ABI1: variants seen among roughly 807,000 people sequenced by gnomAD.
ABI1 encodes Abelson interactor 1.
In ABI1, 14 loss-of-function variants were observed where a neutral mutation model predicts 54.6. The observed-to-expected ratio is 0.26, with a 90% CI of 0.17 to 0.40. ABI1 has a LOEUF of 0.40. Among genes scored for constraint, ABI1 ranks in the 10% least tolerant of loss-of-function variants. ABI1 has a pLI of 1.00. For synonymous variants in ABI1, 194 were observed against 209.3 expected (o/e 0.93, Z 0.63); for missense variants, 443 against 598.3 (o/e 0.74, Z 2.71).
chr10:26,850,613 G>A (rs185254331), intron 1 of ABI1, among the ~76,000 whole-genome samples: 7 of 150,350 alleles, frequency 4.7e-5, no homozygotes, highest in East Asian at 3.9e-4. Context: ...AGCCAAGACC[G>A]CGCTATTGCA....
chr10:26,782,490 C>T (rs1367796738), intron 2 of ABI1, among the ~76,000 whole-genome samples: 7 of 152,124 alleles, frequency 4.6e-5, no homozygotes, highest in Non-Finnish European at 8.8e-5. Context: ...TTTGGGAGGC[C>T]GAGGCGGGCA....
At position 26,768,925 on chromosome 10, in the gene ABI1, T is replaced by C. The variant is rs1288005873; in HGVS notation, c.646A>G (p.Ser216Gly). ...TGCTGACTTCCAAGCCTAGCAGGAC[T>C]GGTCATATAGTCATTAGGAACTGTT... ...PPTVPNDYMTSPARLGSQHSP... is the reference protein window; with the variant it reads ...PPTVPNDYMTGPARLGSQHSP... The change falls in exon 6 of 11, where the codon AGT (serine) becomes GGT (glycine). Residue 216 changes from serine to glycine, a missense_variant. Physicochemically the swap from Ser to Gly is moderately conservative, Grantham distance 56. Coordinates refer to ENST00000376140, the MANE Select transcript of ABI1 (RefSeq NM_001012750.3). The C allele has an allele frequency of 1.9e-6, 3 of 1,613,582 alleles. No homozygotes were observed. The Admixed American group carries it at 5.0e-5, about 27-fold the overall frequency.
intron 2 of ABI1, among the ~76,000 whole-genome samples, chr10:26,818,916 G>A (rs1037234509): frequency 3.3e-5 from 5 of 151,960 alleles, no homozygotes; most frequent in South Asian, 4.1e-4. Context: ...TTGCTTGCAC[G>A]TGGGAGGCAG....
In ABI1 at chr10:26,818,493, C is replaced by G. The variant is rs558803750; in HGVS notation, c.285+4645G>C. The stretch of plus-strand genomic sequence containing the variant: ...AATTAGCTGGCATGCACCTGTAATC[C>G]TAGCTACTCAGTAGGCTGAGACATA... On this transcript the variant is annotated intron_variant, in intron 2 of 10. Coordinates refer to ENST00000376140, the MANE Select transcript of ABI1 (RefSeq NM_001012750.3). Among the ~76,000 whole-genome samples, 20 of 151,596 alleles carry G rather than the reference C, an allele frequency of 1.3e-4. 1 individual carries two copies. The highest frequency in any genetic ancestry group is 4.8e-4 in the African/African-American group (20 of 41,278).
intron 6 of ABI1, among the ~76,000 whole-genome samples, chr10:26,768,139 T>C (rs1224946020): frequency 6.6e-6 from 1 of 152,142 alleles, no homozygotes; most frequent in African/African-American, 2.4e-5. Flanking sequence ...CTTAATCTTC[T>C]TTCCTTCAAT....
At chr10:26,850,651 C>T (rs2050309053) in intron 1 of ABI1, among the ~76,000 whole-genome samples, 1 of 136,266 alleles carries the variant, frequency 7.3e-6, no homozygotes, top group Non-Finnish European at 1.5e-5. Flanking sequence ...GAGTGAGACT[C>T]CGTCTCAAAA....
chr10:26,819,837 T>G (rs999795743), intron 2 of ABI1, among the ~76,000 whole-genome samples: 1 of 152,212 alleles, frequency 6.6e-6, no homozygotes, highest in African/African-American at 2.4e-5. Flanking sequence ...ATTCCTATTA[T>G]TCAGCCTTAA....
rs777939685 is a variant in ABI1, at chr10:26,759,133, G to T, written c.926C>A (p.Thr309Asn). 1.2e-6 allele frequency: 2 copies of T among 1,614,112 alleles called. No homozygotes were observed. Among genetic ancestry groups the T allele is most frequent in the Non-Finnish European group, 1.7e-6 (2 of 1,179,962 alleles). Residue 309 changes from threonine to asparagine, a missense_variant, in exon 8 of 11, where the codon ACT (threonine) becomes AAT (asparagine). Around this residue, in one of 2 missense-constraint regions of ABI1, gnomAD observed 394 missense variants for 484.8 expected, o/e 0.81. Coordinates refer to ENST00000376140, the MANE Select transcript of ABI1 (RefSeq NM_001012750.3). ...SSTSSGGYRR[T>N]PSVTAQFSAQ... ...AGAAAATTGAGCAGTCACAGAGGGAGTTCGTCTGTATCCACCAGAAGATGT... is the reference window on the plus strand; with the variant it reads ...AGAAAATTGAGCAGTCACAGAGGGATTTCGTCTGTATCCACCAGAAGATGT...
chr10:26,844,004 T>C (rs1253902170), intron 1 of ABI1, among the ~76,000 whole-genome samples: 1 of 152,182 alleles, frequency 6.6e-6, no homozygotes, highest in Non-Finnish European at 1.5e-5. Flanking sequence ...CACAATTTCA[T>C]CTTACCAGTG....
At chr10:26,765,959 C>T (rs1046736823) in intron 6 of ABI1, among the ~76,000 whole-genome samples, 19 of 151,986 alleles carry the variant, frequency 1.3e-4, no homozygotes, top group African/African-American at 4.6e-4. Flanking sequence ...GAGCAGTGAA[C>T]AATGCAGTCA....
At chr10:26,773,430 C>T (rs1840988637) in intron 3 of ABI1, among the ~76,000 whole-genome samples, 1 of 151,568 alleles carries the variant, frequency 6.6e-6, no homozygotes, top group Admixed American at 6.6e-5. Context: ...GAACTCCTGG[C>T]CTCAAGTGAT....
intron 2 of ABI1, among the ~76,000 whole-genome samples, chr10:26,814,845 A>G (rs1006649139): frequency 4.6e-5 from 7 of 152,168 alleles, no homozygotes; most frequent in African/African-American, 1.7e-4. Flanking sequence ...CTTTCCTGAA[A>G]TAATTAAGGT....
rs2047205446 is a variant in ABI1 at position 26,811,187 on chromosome 10, C to A, written c.285+11951G>T. On this transcript the variant is annotated intron_variant, in intron 2 of 10. Transcript: ENST00000376140. ...GAATCCCTGTAGAATAATTTTGAAA[C>A]AAATGTTTATCAATGTAATAATTAA... 1.3e-5 allele frequency among the ~76,000 whole-genome samples: 2 copies of A among 152,012 alleles called. 1 individual carries two copies. The highest frequency in any genetic ancestry group is 4.1e-4 in the South Asian group (2 of 4,826).
rs140446005 is a variant in ABI1 at position 26,802,649 on chromosome 10, C to A, written c.285+20489G>T. ...AAAACATGGTAAATATAGGAAGTAG[C>A]GCTAACAGCAGGAGCAGTACTTCTA... On this transcript the variant is annotated intron_variant, in intron 2 of 10. Transcript: ENST00000376140. 8.5e-5 allele frequency among the ~76,000 whole-genome samples: 13 copies of A among 152,156 alleles called. No homozygotes were observed. In the East Asian group the frequency reaches 2.5e-3, roughly 29 times the overall value.
rs771187188 is a variant in ABI1, at chr10:26,759,234, G to A, written c.825C>T (p.Ala275=). ...TPSPPTIGPA[A]PGSAPGSQYG... is the part of the protein sequence containing the mutation. The stretch of plus-strand genomic sequence containing the variant: ...ACTGGGAACCAGGAGCTGAGCCCGG[G>A]GCTGCTGAAAAGCATTAGTCAAAGG... The change falls in exon 8 of 11, where the codon GCC becomes GCT. Residue 275 remains alanine (A), a synonymous_variant. Coordinates refer to ENST00000376140, the MANE Select transcript of ABI1 (RefSeq NM_001012750.3). 6.2e-6 allele frequency: 10 copies of A among 1,613,438 alleles called. No homozygotes were observed. The highest frequency in any genetic ancestry group is 1.3e-5 in the African/African-American group (1 of 74,878).
chr10:26,823,044 T>A (rs2048086237), intron 2 of ABI1, 94 bp downstream of exon 2: 1 of 1,128,802 alleles, frequency 8.9e-7, no homozygotes, highest in African/African-American at 1.6e-5. Context: ...ACCAGTAAGA[T>A]GAGTCAGAAA....
chr10:26,838,969 G>C (rs567317527), intron 1 of ABI1, among the ~76,000 whole-genome samples: 1 of 152,242 alleles, frequency 6.6e-6, no homozygotes, highest in East Asian at 1.9e-4. Context: ...ACCACTCCAA[G>C]TCATCATTAA....
intron 7 of ABI1, among the ~76,000 whole-genome samples, chr10:26,760,196 A>C (rs1838949505): frequency 1.3e-5 from 2 of 152,324 alleles, no homozygotes; most frequent in East Asian, 3.9e-4. Context: ...ACATTTCAAA[A>C]GTTTCATATT....
At chr10:26,853,005 G>A (rs12414600) in intron 1 of ABI1, among the ~76,000 whole-genome samples, 39,070 of 151,968 alleles carry the variant, frequency 0.26, 5,720 homozygotes, top group South Asian at 0.44. Flanking sequence ...TTATTTTGTA[G>A]ATGGAGAAAA....
Sources: gnomAD v4.1 joint callset for allele counts (sites outside exome capture counted in the v4.1 genomes callset) on GRCh38, gnomAD v4.1.1 for gene constraint, gnomAD v4.1.1 regional missense constraint, MANE v1.5 for transcripts, NCBI Gene and HGNC (gene_info 2026-07-23, HGNC 2026-07-21) for gene names.